The following DPF3 variants were observed in gnomAD, a reference collection of about 807,000 sequenced individuals.
DPF3 encodes zinc finger protein DPF3.
In DPF3, 18 loss-of-function variants were observed where a neutral mutation model predicts 56.8. That is an observed-to-expected ratio of 0.32 (90% CI 0.22 to 0.47). The LOEUF (loss-of-function observed/expected upper bound fraction) is 0.47. DPF3 is among the 20% of genes least tolerant of loss of function. DPF3 has a pLI of 1.00. For missense variants in DPF3, 403 were observed against 488.8 expected (o/e 0.82, Z 1.65); for synonymous variants, 188 against 180.2 (o/e 1.04, Z -0.35).
intron 7 of DPF3, among the ~76,000 whole-genome samples, chr14:72,688,342 A>AC (rs926892660): frequency 2.0e-5 from 3 of 150,574 alleles, no homozygotes; most frequent in East Asian, 2.0e-4. Context: ...TCGATGACGT[A>AC]TACACGGATG....
intron 1 of DPF3, among the ~76,000 whole-genome samples, chr14:72,795,295 A>AATATATAT (rs71109748): frequency 4.9e-4 from 50 of 102,866 alleles, no homozygotes; most frequent in Non-Finnish European, 8.7e-4. Context: ...AAAAAAAAAA[A>AATATATAT]ATATATATAT....
intron 2 of DPF3, among the ~76,000 whole-genome samples, chr14:72,768,933 C>G (rs1195920424): frequency 2.0e-5 from 3 of 146,516 alleles, no homozygotes; most frequent in East Asian, 2.0e-4. Flanking sequence ...GTGTGAGTGT[C>G]TGTGTGTGTG....
At chr14:72,709,059 C>T (rs574855687) in intron 6 of DPF3, among the ~76,000 whole-genome samples, 44 of 152,338 alleles carry the variant, frequency 2.9e-4, no homozygotes, top group African/African-American at 1.0e-3. Flanking sequence ...CTGAAGTACA[C>T]CACTGCCAAG....
In DPF3 at chr14:72,692,239, A is replaced by T. The variant is rs373301753; in HGVS notation, c.742+837T>A. Among the ~76,000 whole-genome samples the T allele has an allele frequency of 2.0e-5, 3 of 152,228 alleles. No homozygotes were observed. The South Asian group carries it at 6.2e-4, about 32-fold the overall frequency. On this transcript the variant is annotated intron_variant, in intron 7 of 10. Transcript: ENST00000556509. ...ATCTTCTGAACAAAATGAAAAACAC[A>T]TGGCCTGTCCACGAATATTCTTCAC...
rs1213252204 is a variant in DPF3 at position 72,613,193 on chromosome 14, G to T, written c.*6104C>A. ...ACCTGGGAGTCTGTAGGGTTGTGTT[G>T]CTGAGGGAATATATAGGCCCCAGGG... is the stretch of plus-strand genomic sequence containing the variant. On this transcript the variant is annotated 3_prime_UTR_variant, in exon 11 of 11. Coordinates refer to ENST00000556509, the MANE Select transcript of DPF3 (RefSeq NM_001280542.3). 2.0e-5 allele frequency among the ~76,000 whole-genome samples: 3 copies of T among 152,288 alleles called. No individual in the cohort carries two copies. The highest frequency in any genetic ancestry group is 4.8e-5 in the African/African-American group (2 of 41,548).
chr14:72,835,960 G>A lies in DPF3; in HGVS notation c.32+58097C>T, dbSNP rs940934507. 1.2e-5 allele frequency: 10 copies of A among 820,548 alleles called. No individual in the cohort carries two copies. The East Asian group carries it at 3.8e-4, about 31-fold the overall frequency. 50.8% of individuals were successfully genotyped at this position (820,548 alleles called of 1,614,324 possible). A position where few individuals can be genotyped will look rare whatever the true frequency, so the allele number is the denominator to read the frequency against. On this transcript the variant is annotated intron_variant, in intron 1 of 10. Coordinates refer to ENST00000556509, the MANE Select transcript of DPF3 (RefSeq NM_001280542.3). ...ACTCTTCGACACCTAAAACCTGTGCGTTGTGTTCAAGATACACCCGCCGGA... is the reference window on the plus strand; with the variant it reads ...ACTCTTCGACACCTAAAACCTGTGCATTGTGTTCAAGATACACCCGCCGGA...
At position 72,612,317 on chromosome 14, in the gene DPF3, C is replaced by A. The variant is rs1883774974; in HGVS notation, c.*6980G>T. 6.6e-6 allele frequency among the ~76,000 whole-genome samples: 1 copy of A among 152,130 alleles called. No individual in the cohort carries two copies. The highest frequency in any genetic ancestry group is 1.5e-5 in the Non-Finnish European group (1 of 67,990). ...CAGACGCATTGGTGAGCCAGGGACG[C>A]CCTGCCTACCTACCCCGCCTCTCTC... On this transcript the variant is annotated 3_prime_UTR_variant, in exon 11 of 11. Transcript: ENST00000556509.
At chr14:72,839,242 A>G (rs1030700750) in intron 1 of DPF3, among the ~76,000 whole-genome samples, 5 of 152,022 alleles carry the variant, frequency 3.3e-5, no homozygotes, top group African/African-American at 1.2e-4. Flanking sequence ...TTTAATGGCA[A>G]GCGGGAACAA....
At chr14:72,760,374 C>A (rs1891021235) in intron 2 of DPF3, among the ~76,000 whole-genome samples, 1 of 152,148 alleles carries the variant, frequency 6.6e-6, no homozygotes, top group Non-Finnish European at 1.5e-5. Flanking sequence ...TCTACTCTGA[C>A]TCTGAACTCC....
At chr14:72,696,590 GC>G (rs1758468332) in intron 6 of DPF3, among the ~76,000 whole-genome samples, 1 of 152,228 alleles carries the variant, frequency 6.6e-6, no homozygotes, top group African/African-American at 2.4e-5. Flanking sequence ...CAGGAGATGG[GC>G]GAAGAGGCAA....
chr14:72,681,038 G>T (rs185060391), intron 7 of DPF3, among the ~76,000 whole-genome samples: 3 of 152,318 alleles, frequency 2.0e-5, no homozygotes, highest in African/African-American at 7.2e-5. Context: ...CTACCTGAGG[G>T]CACATGAGTA....
chr14:72,847,506 A>AT (rs1049876146), intron 1 of DPF3, among the ~76,000 whole-genome samples: 14 of 149,360 alleles, frequency 9.4e-5, no homozygotes, highest in African/African-American at 1.5e-4. Context: ...TCTCCTTTCT[A>AT]TTTTTTTTTC....
intron 1 of DPF3, among the ~76,000 whole-genome samples, chr14:72,796,740 G>GT (rs1208902784): frequency 2.0e-5 from 3 of 152,122 alleles, no homozygotes; most frequent in Non-Finnish European, 2.9e-5. Flanking sequence ...GCCAGGGATA[G>GT]TTTTTTTCAT....
rs922872720 is a variant in DPF3, at chr14:72,611,800, A to G, written c.*7497T>C. ...ATCTGTTTTCTTCCCCCGACCCCTC[A>G]GCCTCCACAGGGTAGAAATCACTGG... On this transcript the variant is annotated 3_prime_UTR_variant, in exon 11 of 11. Coordinates refer to ENST00000556509, the MANE Select transcript of DPF3 (RefSeq NM_001280542.3). Among the ~76,000 whole-genome samples, 5 of 152,126 alleles carry G rather than the reference A, an allele frequency of 3.3e-5. No individual in the cohort carries two copies. The highest frequency in any genetic ancestry group is 1.2e-4 in the African/African-American group (5 of 41,436).
chr14:72,800,699 C>T (rs760436013), intron 1 of DPF3, among the ~76,000 whole-genome samples: 6 of 145,996 alleles, frequency 4.1e-5, no homozygotes, highest in East Asian at 2.1e-4. Context: ...CATGAATGGA[C>T]GGATGCATGG....
At chr14:72,856,301 C>G (rs777106639) in intron 1 of DPF3, among the ~76,000 whole-genome samples, 2 of 152,212 alleles carry the variant, frequency 1.3e-5, no homozygotes, top group Non-Finnish European at 2.9e-5. Context: ...TCCTCTAAAA[C>G]AGGAGAACAT....
chr14:72,678,952 C>T (rs180843272), intron 7 of DPF3, among the ~76,000 whole-genome samples: 5 of 152,220 alleles, frequency 3.3e-5, no homozygotes, highest in Non-Finnish European at 1.5e-5. Flanking sequence ...AGAAAAATAA[C>T]AGAAGGCAGG....
At chr14:72,634,680 T>A (rs962332635) in intron 8 of DPF3, among the ~76,000 whole-genome samples, 14 of 151,944 alleles carry the variant, frequency 9.2e-5, no homozygotes, top group African/African-American at 2.4e-4. Flanking sequence ...TAATTGCAGT[T>A]GTTGCCATTA....
At chr14:72,838,488 T>C (rs1000577650) in intron 1 of DPF3, among the ~76,000 whole-genome samples, 2 of 151,760 alleles carry the variant, frequency 1.3e-5, no homozygotes, top group African/African-American at 4.8e-5. Context: ...AGTGAGACCC[T>C]GTCTCCAAAA....
Sources: allele counts gnomAD v4.1 joint callset (sites outside exome capture counted in the v4.1 genomes callset), GRCh38; gene constraint gnomAD v4.1.1; transcripts MANE v1.5; gene names NCBI Gene and HGNC (gene_info 2026-07-23, HGNC 2026-07-21).